PRSS53: variants seen among roughly 807,000 people sequenced by gnomAD.
PRSS53 encodes the protein serine protease 53.
In PRSS53, 54 loss-of-function variants were observed where a neutral mutation model predicts 62.7. The ratio of observed to expected loss-of-function variants is 0.86; its 90% confidence interval spans 0.69 to 1.08. The LOEUF is 1.08. Ranked by LOEUF, PRSS53 falls within the 50% of genes least tolerant of loss-of-function variation. PRSS53 has a pLI of 0.00. For missense variants in PRSS53, 688 were observed against 728.3 expected, an observed-to-expected ratio of 0.94 and a Z score of 0.64; for synonymous variants, 273 against 300.0, an observed-to-expected ratio of 0.91 and a Z score of 0.93.
In PRSS53 at chr16:31,084,929, G is replaced by C; in HGVS notation, c.1130C>G (p.Pro377Arg). 4 of 1,545,696 alleles carry C rather than the reference G, an allele frequency of 2.6e-6. No homozygotes were observed. In the South Asian group the frequency reaches 4.8e-5, roughly 19 times the overall value. The change falls in exon 8 of 11, where the codon CCT becomes CGT. Residue 377 changes from proline (P) to arginine (R), a missense_variant. By Grantham distance (103) the Pro-to-Arg change is moderately radical (BLOSUM62 -2). Coordinates refer to ENST00000280606, the Ensembl canonical transcript of PRSS53. ...GAGGGCCATGTCGTAGCCCCCCTCA[G>C]GGTGGGTGTAGGCTCCATGCAGGAT...
rs371871863 is a variant in PRSS53, at chr16:31,088,522, C to G, written c.58+230G>C. On this transcript the variant is annotated intron_variant, in intron 1 of 10. Coordinates refer to ENST00000280606, the Ensembl canonical transcript of PRSS53. ...ACGCAGGCAGCACCTCACACACACA[C>G]AAGACCACAGGCCCCGCCAACGCAA... 42 of 1,418,286 alleles carry G rather than the reference C, an allele frequency of 3.0e-5. 1 individual carries two copies. The East Asian group carries it at 8.7e-4, about 29-fold the overall frequency. The allele number at this position is 1,418,286 out of a possible 1,614,324, so 87.9% of individuals were successfully genotyped here.
chr16:31,086,634 A>G (rs746029234), exon 4 of PRSS53: 9 of 1,538,694 alleles, frequency 5.8e-6, no homozygotes, highest in Admixed American at 2.0e-5. Context: ...AGCACTTACC[A>G]TCACTGGTGT....
chr16:31,087,023 G>A, intron 3 of PRSS53, 125 bp from the exon 4 acceptor site: 1 of 1,006,792 alleles, frequency 9.9e-7, no homozygotes, highest in East Asian at 2.8e-5. Flanking sequence ...TTGAGGTAGG[G>A]TCTCGTCCTG....
At position 31,085,219 on chromosome 16, in the gene PRSS53, G is replaced by A. The variant is rs766109269; in HGVS notation, c.925C>T (p.Pro309Ser). The A allele has an allele frequency of 5.6e-6, 9 of 1,601,810 alleles. No individual in the cohort carries two copies. The highest frequency in any genetic ancestry group is 8.5e-7 in the Non-Finnish European group (1 of 1,174,860). ...CTGGCCTCCCAGGGCCATGGGGAGGGTGCTCCTGCCTGGGGACCTGCTGTC... is the reference window on the plus strand; with the variant it reads ...CTGGCCTCCCAGGGCCATGGGGAGGATGCTCCTGCCTGGGGACCTGCTGTC... Residue 309 changes from proline to serine, a missense_variant, in exon 7 of 11, where the codon CCC becomes TCC. Physicochemically the swap from Pro to Ser is moderately conservative, Grantham distance 74. Coordinates refer to ENST00000280606, the Ensembl canonical transcript of PRSS53.
rs1216810602 is a variant in PRSS53, at chr16:31,084,559, TC to T, written c.1423del (p.Glu475ArgfsTer12). 6.2e-7 allele frequency: 1 copy of T among 1,603,284 alleles called. No homozygotes were observed. The highest frequency in any genetic ancestry group is 1.3e-5 in the African/African-American group (1 of 74,806). ...AAGGTGTGGGGGCCTGGGGCTCACC[TC>T]ACAGCTGGGCAGCTCACCCACAGCA... On this transcript the variant is annotated frameshift_variant and splice_region_variant, in exon 9 of 11. Coordinates refer to ENST00000280606, the Ensembl canonical transcript of PRSS53. LOFTEE classifies it high-confidence loss of function.
At chr16:31,084,287 G>A (rs1432269178) in exon 10 of PRSS53, 1 of 1,613,030 alleles carries the variant, frequency 6.2e-7, no homozygotes, top group Non-Finnish European at 8.5e-7. Context: ...AGCCCGGCCA[G>A]GAACCATGTG....
intron 1 of PRSS53, chr16:31,088,033 C>A (rs975419801): frequency 4.8e-6 from 7 of 1,458,492 alleles, no homozygotes; most frequent in East Asian, 2.5e-5. Context: ...GTAATTAATT[C>A]TCCTTCAGCT....
exon 4 of PRSS53, chr16:31,086,837 G>A (rs1405411954): frequency 3.1e-6 from 5 of 1,613,134 alleles, no homozygotes; most frequent in Admixed American, 1.7e-5. Flanking sequence ...CCAGGGCTGA[G>A]TCCCTCACGC....
chr16:31,086,431 A>T lies in PRSS53; in HGVS notation c.569T>A (p.Ile190Asn), dbSNP rs2057234328. The change falls in exon 5 of 11, where the codon ATC (isoleucine) becomes AAC (asparagine). Residue 190 changes from isoleucine to asparagine, a missense_variant. Transcript: ENST00000280606. ...GTGTCGCTGGTGCAGCTGGTTGTAG[A>T]TACAGTTACATGTGGGGCGACTGAT... 1.2e-6 allele frequency: 2 copies of T among 1,614,074 alleles called. No individual in the cohort carries two copies. The highest frequency in any genetic ancestry group is 2.7e-5 in the African/African-American group (2 of 75,032).
At chr16:31,084,165 C>T in exon 10 of PRSS53, 1 of 1,601,202 alleles carries the variant, frequency 6.2e-7, no homozygotes, top group Non-Finnish European at 8.5e-7. Flanking sequence ...GCTCTGGTTC[C>T]TCGGCGAAGT....
intron 6 of PRSS53, 21 bp from the exon 7 acceptor site, chr16:31,085,281 A>G: frequency 6.6e-7 from 1 of 1,521,442 alleles, no homozygotes; most frequent in South Asian, 1.3e-5. Context: ...TAAGTGCCTC[A>G]TCTGACTTCT....
chr16:31,084,479 C>G (rs1040927556), intron 9 of PRSS53, 79 bp downstream of exon 9: 7 of 1,529,996 alleles, frequency 4.6e-6, no homozygotes, highest in South Asian at 1.2e-5. Context: ...GAGGCCAAGC[C>G]TGGAAGGTCC....
chr16:31,085,166 A>C, exon 7 of PRSS53: 1 of 1,610,986 alleles, frequency 6.2e-7, no homozygotes, highest in Non-Finnish European at 8.5e-7. Context: ...GGGCTCCGCC[A>C]CAGGCCAGCT....
chr16:31,088,858 C>G, exon 1 of PRSS53: 1 of 1,608,360 alleles, frequency 6.2e-7, no homozygotes, highest in Non-Finnish European at 8.5e-7. Context: ...AGAGAGGCCA[C>G]CTGGGTCTCC....
In PRSS53 at chr16:31,087,018, G is replaced by A. The variant is rs1445539529; in HGVS notation, c.243-120C>T. The A allele has an allele frequency of 3.7e-6, 4 of 1,086,460 alleles. No individual in the cohort carries two copies. The East Asian group carries it at 8.3e-5, about 23-fold the overall frequency. 67.3% of individuals were successfully genotyped at this position (1,086,460 alleles called of 1,614,324 possible). A position where few individuals can be genotyped will look rare whatever the true frequency, so the allele number is the denominator to read the frequency against. ...CACTCCACGGCTTTTTCTTTTTGAG[G>A]TAGGGTCTCGTCCTGTCGCCCAGGC... is the stretch of plus-strand genomic sequence containing the variant. On this transcript the variant is annotated intron_variant, in intron 3 of 10. Coordinates refer to ENST00000280606, the Ensembl canonical transcript of PRSS53.
At chr16:31,088,775 G>A (rs776658803) in exon 1 of PRSS53, 9 of 1,613,608 alleles carry the variant, frequency 5.6e-6, no homozygotes, top group Admixed American at 5.0e-5. Context: ...TGTGGCACCC[G>A]CGATGAGCAG....
chr16:31,087,971 TTA>T lies in PRSS53; in HGVS notation c.59-147_59-146del, dbSNP rs1567418329. 8.5e-6 allele frequency: 13 copies of T among 1,537,054 alleles called. No individual in the cohort carries two copies. The South Asian group carries it at 1.4e-4, about 17-fold the overall frequency. On this transcript the variant is annotated intron_variant, in intron 1 of 10. Coordinates refer to ENST00000280606, the Ensembl canonical transcript of PRSS53. Reference sequence around the variant, plus strand: ...CCAGCCCCTCCCAGAATGAAAATATTTATATGAGGCCGAGACAGCTTTTATTG... The same window carrying T: ...CCAGCCCCTCCCAGAATGAAAATATTTATGAGGCCGAGACAGCTTTTATTG...
intron 2 of PRSS53, 22 bp downstream of exon 2, chr16:31,087,784 G>A (rs1345739139): frequency 6.2e-7 from 1 of 1,614,098 alleles, no homozygotes; most frequent in East Asian, 2.2e-5. Context: ...TAAGACCTAG[G>A]CCCCGTGTCC....
In PRSS53 at chr16:31,087,714, T is replaced by TA. The variant is rs1157996460; in HGVS notation, c.80-16dup. The TA allele has an allele frequency of 2.5e-6, 4 of 1,613,728 alleles. No homozygotes were observed. The highest frequency in any genetic ancestry group is 1.3e-5 in the African/African-American group (1 of 74,894). On this transcript the variant is annotated splice_polypyrimidine_tract_variant and intron_variant, in intron 2 of 10. Transcript: ENST00000280606. ...CTGTCCACAGGCTGTGGAAAGGAGTTAGTCACACTGACAGCAGATACCTGT... is the reference window on the plus strand; with the variant it reads ...CTGTCCACAGGCTGTGGAAAGGAGTTAAGTCACACTGACAGCAGATACCTGT...
Sources: gnomAD v4.1 joint callset for allele counts on GRCh38, gnomAD v4.1.1 for gene constraint, MANE v1.5 for transcripts, NCBI Gene and HGNC (gene_info 2026-07-23, HGNC 2026-07-21) for gene names.